The following EVI5 variants were observed in gnomAD, a reference collection of about 807,000 sequenced individuals.
EVI5 encodes ecotropic viral integration site 5, also known as ecotropic viral integration site 5 protein homolog.
Under a neutral mutation model 112.0 loss-of-function variants are expected in EVI5, and 73 were observed. That is an observed-to-expected ratio of 0.65 (90% confidence interval 0.54 to 0.79). The LOEUF (loss-of-function observed/expected upper bound fraction) is 0.79. Among genes scored for constraint, EVI5 ranks in the 30% least tolerant of loss-of-function variants. EVI5 has a pLI of 0.00. For missense variants in EVI5, 900 were observed against 968.8 expected (o/e 0.93, Z 0.94); for synonymous variants, 305 against 319.9 (o/e 0.95, Z 0.50).
intron 1 of EVI5, among the ~76,000 whole-genome samples, chr1:92,752,452 G>A (rs1680331440): frequency 6.6e-6 from 1 of 152,148 alleles, no homozygotes; most frequent in African/African-American, 2.4e-5. Flanking sequence ...TGGGATTACA[G>A]GCGTGAGCCA....
intron 18 of EVI5, among the ~76,000 whole-genome samples, chr1:92,577,106 T>C (rs774621852): frequency 5.9e-5 from 9 of 152,216 alleles, no homozygotes; most frequent in Non-Finnish European, 1.2e-4. Flanking sequence ...CTCTAGGCCA[T>C]ACTCTTGCCA....
intron 18 of EVI5, among the ~76,000 whole-genome samples, chr1:92,567,844 A>G (rs927267654): frequency 3.3e-5 from 5 of 152,248 alleles, no homozygotes; most frequent in African/African-American, 1.2e-4. Context: ...AAATATATAC[A>G]AAATACACCT....
intron 2 of EVI5, among the ~76,000 whole-genome samples, chr1:92,730,892 A>G (rs1455334048): frequency 6.6e-6 from 1 of 152,188 alleles, no homozygotes; most frequent in East Asian, 1.9e-4. Flanking sequence ...ATTGGAAAGA[A>G]GCAAAAGTGC....
At chr1:92,638,189 T>C (rs1326820876) in intron 13 of EVI5, among the ~76,000 whole-genome samples, 1 of 152,070 alleles carries the variant, frequency 6.6e-6, no homozygotes, top group African/African-American at 2.4e-5. Flanking sequence ...CATATGAGAA[T>C]GGAATTCTTG....
intron 13 of EVI5, among the ~76,000 whole-genome samples, chr1:92,651,850 CA>C (rs35991116): frequency 0.54 from 49,196 of 90,544 alleles, 9,929 homozygotes; most frequent in East Asian, 0.75. Flanking sequence ...GACTCCGTCT[CA>C]AAAAAAAAAA....
intron 9 of EVI5, among the ~76,000 whole-genome samples, chr1:92,677,665 G>T (rs1289875925): frequency 3.3e-5 from 5 of 152,070 alleles, no homozygotes; most frequent in Admixed American, 1.3e-4. Context: ...AATAGACATA[G>T]GAGGAATAAG....
intron 19 of EVI5, 115 bp from the exon 20 acceptor site, chr1:92,514,085 T>G (rs1473569405): frequency 1.7e-6 from 1 of 602,336 alleles, no homozygotes; most frequent in Non-Finnish European, 2.8e-6. Context: ...TATTTACAGG[T>G]ATAATCATAG....
intron 2 of EVI5, among the ~76,000 whole-genome samples, chr1:92,717,393 C>T (rs962119135): frequency 6.6e-6 from 1 of 152,180 alleles, no homozygotes; most frequent in Admixed American, 6.5e-5. Context: ...CAATCTTCAA[C>T]ATTCTTAAAG....
At chr1:92,671,804 C>CTTT (rs543142314) in intron 10 of EVI5, among the ~76,000 whole-genome samples, 3 of 141,724 alleles carry the variant, frequency 2.1e-5, no homozygotes, top group Non-Finnish European at 3.0e-5. Flanking sequence ...CCACCATCAT[C>CTTT]TTTTTTTTTT....
At chr1:92,551,150 T>C (rs1666877749) in intron 19 of EVI5, among the ~76,000 whole-genome samples, 1 of 147,222 alleles carries the variant, frequency 6.8e-6, no homozygotes, top group Non-Finnish European at 1.5e-5. Flanking sequence ...CAAGCGATCC[T>C]CTCACTTCAG....
chr1:92,618,938 G>T (rs1400794013), intron 16 of EVI5, among the ~76,000 whole-genome samples: 1 of 152,160 alleles, frequency 6.6e-6, no homozygotes, highest in East Asian at 1.9e-4. Flanking sequence ...TTGAGTCAGG[G>T]ATTGGTGTGT....
At chr1:92,749,066 CAAAAAAA>C (rs60282362) in intron 1 of EVI5, 11 of 104,520 alleles carry the variant, frequency 1.1e-4, no homozygotes, top group African/African-American at 1.5e-4. Flanking sequence ...AACTCTGTCT[CAAAAAAA>C]AAAAAAAAAA....
chr1:92,551,622 A>G (rs77639331), intron 19 of EVI5, among the ~76,000 whole-genome samples: 6,508 of 152,254 alleles, frequency 0.043, 406 homozygotes, highest in African/African-American at 0.14. Flanking sequence ...AGTCATGCTA[A>G]AAGTTTAGAT....
chr1:92,748,268 C>T (rs746450826), intron 1 of EVI5, among the ~76,000 whole-genome samples: 5 of 152,138 alleles, frequency 3.3e-5, no homozygotes, highest in Non-Finnish European at 7.4e-5. Context: ...AACTAGCCCA[C>T]GCAGAGACCA....
chr1:92,734,845 T>TA (rs1379163001), intron 2 of EVI5, among the ~76,000 whole-genome samples: 4 of 151,942 alleles, frequency 2.6e-5, no homozygotes, highest in African/African-American at 9.6e-5. Context: ...AATTTTTTTT[T>TA]AAAAATCAAA....
chr1:92,737,251 T>A (rs1677599428), intron 1 of EVI5, among the ~76,000 whole-genome samples: 1 of 152,152 alleles, frequency 6.6e-6, no homozygotes, highest in African/African-American at 2.4e-5. Context: ...GTTAATAGAA[T>A]GAGAGGGGTT....
intron 19 of EVI5, among the ~76,000 whole-genome samples, chr1:92,553,428 C>T (rs1667258477): frequency 6.6e-6 from 1 of 151,468 alleles, no homozygotes; most frequent in Admixed American, 6.6e-5. Flanking sequence ...TCAGCCTCTC[C>T]AGTAGCTGGG....
At chr1:92,586,626 G>T (rs2101160753) in intron 18 of EVI5, among the ~76,000 whole-genome samples, 1 of 140,494 alleles carries the variant, frequency 7.1e-6, no homozygotes, top group South Asian at 2.3e-4. Flanking sequence ...GTGTGTGTGT[G>T]TGTGTGTGTG....
chr1:92,720,428 G>A (rs1274907487), intron 2 of EVI5, among the ~76,000 whole-genome samples: 1 of 151,952 alleles, frequency 6.6e-6, no homozygotes, highest in East Asian at 1.9e-4. Flanking sequence ...AATGGGGAAA[G>A]GATTCCCTAT....
Sources: allele counts gnomAD v4.1 joint callset (sites outside exome capture counted in the v4.1 genomes callset), GRCh38; gene constraint gnomAD v4.1.1; transcripts MANE v1.5; gene names NCBI Gene and HGNC (gene_info 2026-07-23, HGNC 2026-07-21).